Variants in ELAPOR2 observed in about 807,000 individuals in gnomAD.
ELAPOR2 encodes the protein endosome-lysosome associated apoptosis and autophagy regulator family member 2.
ELAPOR2 carries 89 observed loss-of-function variants against 120.7 expected under a neutral mutation model. That is an observed-to-expected ratio of 0.74 (90% CI 0.62 to 0.88). The LOEUF (loss-of-function observed/expected upper bound fraction) is 0.88, where lower values mean the gene tolerates loss of function less well. Ranked by LOEUF, ELAPOR2 falls within the 40% of genes least tolerant of loss-of-function variation. ELAPOR2 has a pLI of 0.00. For synonymous variants in ELAPOR2, 444 were observed against 444.9 expected (o/e 1.00, Z 0.03); for missense variants, 1,134 against 1,251.6 (o/e 0.91, Z 1.42).
chr7:87,035,962 A>G (rs1794574235), intron 1 of ELAPOR2, among the ~76,000 whole-genome samples: 1 of 152,226 alleles, frequency 6.6e-6, no homozygotes, highest in Non-Finnish European at 1.5e-5. Context: ...TGCCGTCTCA[A>G]AACCCAAGTA....
At chr7:86,972,603 G>GTT (rs1057156852) in intron 1 of ELAPOR2, among the ~76,000 whole-genome samples, 1 of 140,050 alleles carries the variant, frequency 7.1e-6, no homozygotes. Flanking sequence ...AAAGTTTTTT[G>GTT]TTTTTTTTTT....
At chr7:86,932,751 C>T (rs576852491) in intron 8 of ELAPOR2, among the ~76,000 whole-genome samples, 63 of 151,960 alleles carry the variant, frequency 4.1e-4, no homozygotes, top group Admixed American at 5.9e-4. Flanking sequence ...AAATAGCTGT[C>T]GCATTTTTTA....
chr7:86,938,263 T>C (rs1482385408), intron 7 of ELAPOR2, 49 bp from the exon 8 acceptor site: 1 of 1,436,718 alleles, frequency 7.0e-7, no homozygotes, highest in South Asian at 1.3e-5. Context: ...ATTTTGCAAC[T>C]CTAAGAAAAG....
chr7:86,938,097 G>C, intron 8 of ELAPOR2, 29 bp downstream of exon 8: 1 of 1,497,406 alleles, frequency 6.7e-7, no homozygotes, highest in Non-Finnish European at 9.1e-7. Context: ...CAAAAATATG[G>C]GATGGAGTTG....
intron 21 of ELAPOR2, among the ~76,000 whole-genome samples, chr7:86,890,367 T>C (rs1342845733): frequency 2.0e-5 from 3 of 151,962 alleles, no homozygotes; most frequent in African/African-American, 7.2e-5. Context: ...ACAGGTATGC[T>C]ACCTGTCCAA....
intron 1 of ELAPOR2, among the ~76,000 whole-genome samples, chr7:86,986,987 C>T (rs1301353897): frequency 3.3e-5 from 5 of 150,192 alleles, no homozygotes; most frequent in African/African-American, 1.2e-4. Context: ...GATACTGGTA[C>T]CAAAACAGAG....
intron 1 of ELAPOR2, among the ~76,000 whole-genome samples, chr7:87,016,133 A>G (rs1793858830): frequency 6.6e-6 from 1 of 152,200 alleles, no homozygotes; most frequent in Admixed American, 6.5e-5. Context: ...TCTTCAAGAC[A>G]GAGAAATGGG....
chr7:86,962,642 G>A (rs1462635952), intron 2 of ELAPOR2, among the ~76,000 whole-genome samples: 1 of 152,172 alleles, frequency 6.6e-6, no homozygotes, highest in Non-Finnish European at 1.5e-5. Flanking sequence ...ATGACATAAG[G>A]TAAATTACTT....
At chr7:86,984,916 A>C (rs1216843235) in intron 1 of ELAPOR2, among the ~76,000 whole-genome samples, 1 of 152,200 alleles carries the variant, frequency 6.6e-6, no homozygotes, top group Admixed American at 6.5e-5. Flanking sequence ...TTGAAAGATC[A>C]ACAAAATTGA....
intron 1 of ELAPOR2, among the ~76,000 whole-genome samples, chr7:87,057,756 G>T (rs993934632): frequency 3.3e-5 from 5 of 152,150 alleles, no homozygotes; most frequent in Admixed American, 6.5e-5. Flanking sequence ...TAGTTGTAGA[G>T]ACCAAAGGCA....
intron 21 of ELAPOR2, among the ~76,000 whole-genome samples, chr7:86,889,573 G>T (rs139233085): frequency 1.3e-5 from 2 of 151,980 alleles, no homozygotes; most frequent in East Asian, 1.9e-4. Flanking sequence ...TTACTTCCGG[G>T]GGGGACAAGG....
At chr7:86,989,960 C>T (rs1450510877) in intron 1 of ELAPOR2, among the ~76,000 whole-genome samples, 1 of 152,114 alleles carries the variant, frequency 6.6e-6, no homozygotes, top group Non-Finnish European at 1.5e-5. Context: ...AAAACTCACA[C>T]TGAAATTTAA....
rs1197623332 is a variant in ELAPOR2, at chr7:86,878,618, T to C, written c.*1853A>G. On this transcript the variant is annotated 3_prime_UTR_variant, in exon 22 of 22. Transcript: ENST00000450689. ...GGAAGTTTTCTCACTCTGTCCAGTC[T>C]ATACAGCTTTGCCAGGGTTCCTCTG... The C allele has an allele frequency of 6.6e-6, 1 of 152,186 alleles. No homozygotes were observed. The highest frequency in any genetic ancestry group is 1.5e-5 in the Non-Finnish European group (1 of 68,038). The allele number at this position is 152,186 out of a possible 1,614,324, so 9.4% of individuals were successfully genotyped here.
intron 19 of ELAPOR2, among the ~76,000 whole-genome samples, chr7:86,897,214 T>C (rs1788477174): frequency 6.6e-6 from 1 of 152,116 alleles, no homozygotes; most frequent in African/African-American, 2.4e-5. Context: ...CACCTATACC[T>C]ACATTATGTA....
intron 5 of ELAPOR2, among the ~76,000 whole-genome samples, chr7:86,941,076 G>A (rs1277476794): frequency 6.6e-6 from 1 of 151,932 alleles, no homozygotes; most frequent in African/African-American, 2.4e-5. Context: ...CAAGGATGAG[G>A]TACCTGCTAC....
chr7:86,881,354 G>A (rs527888573), intron 21 of ELAPOR2, among the ~76,000 whole-genome samples: 11 of 145,940 alleles, frequency 7.5e-5, no homozygotes, highest in Non-Finnish European at 7.5e-5. Flanking sequence ...GAGCAAGCAC[G>A]CCCTTTTTTT....
chr7:86,941,931 A>C (rs1790812443), intron 5 of ELAPOR2, 87 bp downstream of exon 5: 2 of 703,728 alleles, frequency 2.8e-6, no homozygotes, highest in Non-Finnish European at 5.0e-6. Flanking sequence ...TTATGAAAGG[A>C]AGGGGAAGTT....
intron 12 of ELAPOR2, 57 bp from the exon 13 acceptor site, chr7:86,914,917 C>CA: frequency 1.5e-6 from 2 of 1,321,168 alleles, no homozygotes; most frequent in Non-Finnish European, 2.1e-6. Flanking sequence ...CATTAATATA[C>CA]CTGTGTATAT....
At chr7:86,991,308 A>G (rs1463697968) in intron 1 of ELAPOR2, among the ~76,000 whole-genome samples, 1 of 152,146 alleles carries the variant, frequency 6.6e-6, no homozygotes, top group Non-Finnish European at 1.5e-5. Context: ...ATGTTATTTA[A>G]TAACTGTGTT....
Sources: allele counts gnomAD v4.1 joint callset (sites outside exome capture counted in the v4.1 genomes callset), GRCh38; gene constraint gnomAD v4.1.1; transcripts MANE v1.5; gene names NCBI Gene and HGNC (gene_info 2026-07-23, HGNC 2026-07-21).